Variants in ALKAL1 observed in about 807,000 individuals in gnomAD.
ALKAL1 encodes the protein AUG-beta.
A neutral mutation model predicts 13.5 loss-of-function variants in ALKAL1; 23 were observed. The ratio of observed to expected loss-of-function variants is 1.70; its 90% CI spans 1.23 to 2.41. ALKAL1 has a LOEUF of 2.41. ALKAL1 is among the 30% of genes most tolerant of loss of function. ALKAL1 has a pLI of 0.00. For missense variants in ALKAL1, 181 were observed against 178.4 expected (o/e 1.01, Z -0.08); for synonymous variants, 85 against 77.7 (o/e 1.09, Z -0.49).
At chr8:52,559,955 A>G (rs1402049726) in intron 1 of ALKAL1, among the ~76,000 whole-genome samples, 1 of 152,108 alleles carries the variant, frequency 6.6e-6, no homozygotes, top group East Asian at 1.9e-4. Context: ...ATTTCTTCTG[A>G]AAAAAGTAAT....
Position 52,565,114 on chromosome 8 carries a change from A to G in ALKAL1, c.143T>C (p.Leu48Pro). 1.4e-6 allele frequency: 2 copies of G among 1,414,330 alleles called. No individual in the cohort carries two copies. The highest frequency in any genetic ancestry group is 1.9e-6 in the Non-Finnish European group (2 of 1,077,854). 87.6% of individuals were successfully genotyped at this position (1,414,330 alleles called of 1,614,324 possible). Residue 48 changes from leucine (L) to proline (P), a missense_variant, in exon 1 of 5, where the codon CTC becomes CCC. Transcript: ENST00000358543. ...AGTCCGGCCGGCCCCGGCCGCGGGG[A>G]GGAAAAGCAACGGCTTGGGCTCCTT... The part of the protein sequence containing the change: ...TDKEPKPLLF[L>P]PAAGAGRTPS...
intron 2 of ALKAL1, among the ~76,000 whole-genome samples, chr8:52,541,869 G>C (rs1366136876): frequency 6.6e-6 from 1 of 151,812 alleles, no homozygotes; most frequent in Non-Finnish European, 1.5e-5. Flanking sequence ...ACCCCCACCT[G>C]GTTGGGGAAC....
At chr8:52,541,972 G>A (rs1251934837) in intron 2 of ALKAL1, among the ~76,000 whole-genome samples, 2 of 151,784 alleles carry the variant, frequency 1.3e-5, no homozygotes, top group Non-Finnish European at 2.9e-5. Context: ...GGCCAAATAC[G>A]TCCCTACCTA....
At chr8:52,563,418 C>A (rs1040601206) in intron 1 of ALKAL1, among the ~76,000 whole-genome samples, 1 of 152,034 alleles carries the variant, frequency 6.6e-6, no homozygotes, top group South Asian at 2.1e-4. Context: ...GAGACAGGAG[C>A]GAAACTCCGT....
intron 4 of ALKAL1, among the ~76,000 whole-genome samples, chr8:52,534,870 T>C (rs1287824521): frequency 6.6e-6 from 1 of 152,186 alleles, no homozygotes; most frequent in African/African-American, 2.4e-5. Context: ...TGTAAACAAC[T>C]CATTAAATAT....
intron 1 of ALKAL1, among the ~76,000 whole-genome samples, chr8:52,548,309 C>T (rs984093798): frequency 1.3e-5 from 2 of 151,718 alleles, no homozygotes; most frequent in African/African-American, 4.9e-5. Flanking sequence ...TGAGATCGTG[C>T]ACTCCAGCCT....
At chr8:52,564,752 C>A (rs1254559705) in intron 1 of ALKAL1, among the ~76,000 whole-genome samples, 1 of 152,162 alleles carries the variant, frequency 6.6e-6, no homozygotes, top group Non-Finnish European at 1.5e-5. Context: ...CTGTCCACCA[C>A]CCCTCGGTCG....
intron 1 of ALKAL1, among the ~76,000 whole-genome samples, chr8:52,556,911 C>A (rs1847490081): frequency 6.6e-6 from 1 of 152,060 alleles, no homozygotes; most frequent in Admixed American, 6.6e-5. Flanking sequence ...ATGAGTAATT[C>A]TTTAATGTAG....
At chr8:52,534,678 T>C (rs1563318832) in intron 4 of ALKAL1, 78 bp from the exon 5 acceptor site, 2 of 480,258 alleles carry the variant, frequency 4.2e-6, no homozygotes, top group Non-Finnish European at 7.3e-6. Context: ...GTTTCAACAG[T>C]TTTATTTTGC....
At position 52,542,405 on chromosome 8, in the gene ALKAL1, T is replaced by A; in HGVS notation, c.231A>T (p.Ile77=). The A allele has an allele frequency of 1.3e-6, 2 of 1,548,622 alleles. No homozygotes were observed. The highest frequency in any genetic ancestry group is 1.8e-6 in the Non-Finnish European group (2 of 1,127,308). ...PRDSNLKDKF[I]KHFTGPVTFS... ...TTTTGTACTTACCTGTGAAATGCTT[T>A]ATGAATTTGTCTTTTAAGTTAGAGT... Residue 77 remains isoleucine, a synonymous_variant, in exon 2 of 5, where the codon ATA becomes ATT. Transcript: ENST00000358543.
At chr8:52,548,619 T>C (rs2150345699) in intron 1 of ALKAL1, among the ~76,000 whole-genome samples, 1 of 152,226 alleles carries the variant, frequency 6.6e-6, no homozygotes, top group Middle Eastern at 3.4e-3. Flanking sequence ...TATTTGCCAA[T>C]TAAAAAATAA....
chr8:52,561,357 A>G (rs1847549031), intron 1 of ALKAL1, among the ~76,000 whole-genome samples: 1 of 152,234 alleles, frequency 6.6e-6, no homozygotes, highest in Admixed American at 6.5e-5. Flanking sequence ...ACGCATCTGA[A>G]CGCATAAATA....
In ALKAL1 at chr8:52,538,496, A is replaced by G; in HGVS notation, c.337T>C (p.Cys113Arg). ...GCTAATCTTGTTAACAATCTAGCACATCTTTTGTAATCTAGGAAAAACATT... is the reference window on the plus strand; with the variant it reads ...GCTAATCTTGTTAACAATCTAGCACGTCTTTTGTAATCTAGGAAAAACATT... ...ECSTPAYYKRCARLLTRLAVS... is the reference protein window; with the variant it reads ...ECSTPAYYKRRARLLTRLAVS... Residue 113 changes from cysteine to arginine, a missense_variant, in exon 4 of 5, where the codon TGT (cysteine) becomes CGT (arginine). Transcript: ENST00000358543. 17 of 1,606,638 alleles carry G rather than the reference A, an allele frequency of 1.1e-5. No individual in the cohort carries two copies. Among genetic ancestry groups the G allele is most frequent in the Non-Finnish European group, 1.4e-5 (16 of 1,174,600 alleles).
chr8:52,556,253 T>G (rs1847479944), intron 1 of ALKAL1, among the ~76,000 whole-genome samples: 1 of 152,162 alleles, frequency 6.6e-6, no homozygotes, highest in Admixed American at 6.5e-5. Context: ...TGTTAAAAAT[T>G]TTACCAAAGT....
At chr8:52,544,709 T>C (rs1274759387) in intron 1 of ALKAL1, among the ~76,000 whole-genome samples, 1 of 152,004 alleles carries the variant, frequency 6.6e-6, no homozygotes, top group Non-Finnish European at 1.5e-5. Flanking sequence ...TAATGATGTG[T>C]TGTATATGGG....
intron 3 of ALKAL1, among the ~76,000 whole-genome samples, chr8:52,538,962 T>C (rs942150922): frequency 2.0e-5 from 3 of 152,146 alleles, no homozygotes; most frequent in African/African-American, 7.2e-5. Flanking sequence ...TGGCTAATTT[T>C]TGTATTTTTG....
At chr8:52,561,963 C>T (rs1452738631) in intron 1 of ALKAL1, among the ~76,000 whole-genome samples, 1 of 152,200 alleles carries the variant, frequency 6.6e-6, no homozygotes, top group Non-Finnish European at 1.5e-5. Context: ...AGCCAATTTC[C>T]TTTCTGTCAA....
At chr8:52,535,288 G>A (rs1047171026) in intron 4 of ALKAL1, among the ~76,000 whole-genome samples, 1 of 151,650 alleles carries the variant, frequency 6.6e-6, no homozygotes, top group African/African-American at 2.4e-5. Flanking sequence ...TGGCTCATGT[G>A]TATAATTCCA....
Position 52,565,163 on chromosome 8 carries a change from GC to G in ALKAL1, c.93del (p.Arg32AlafsTer41), listed in dbSNP as rs1195855273. The G allele has an allele frequency of 7.2e-7, 1 of 1,388,030 alleles. No homozygotes were observed. The highest frequency in any genetic ancestry group is 9.4e-7 in the Non-Finnish European group (1 of 1,062,274). The allele number at this position is 1,388,030 out of a possible 1,614,324, so 86.0% of individuals were successfully genotyped here. On this transcript the variant is annotated frameshift_variant, in exon 1 of 5. Transcript: ENST00000358543. LOFTEE classifies it high-confidence loss of function. Reference protein sequence around the residue: ...SPHGAHGRPRGRRGARVTDKE... With the variant: ...SPHGAHGRPRXRRGARVTDKE... ...TTATCCGTGACGCGCGCTCCCCTGC[GC>G]CCCCGGGGCCTCCCGTGGGCTCCGT...
Sources: gnomAD v4.1 joint callset for allele counts (sites outside exome capture counted in the v4.1 genomes callset) on GRCh38, gnomAD v4.1.1 for gene constraint, MANE v1.5 for transcripts, NCBI Gene and HGNC (gene_info 2026-07-23, HGNC 2026-07-21) for gene names.